MGST2: variants seen among roughly 807,000 people sequenced by gnomAD.
MGST2 encodes the protein microsomal glutathione S-transferase 2, also known as glutathione peroxidase MGST2.
A neutral mutation model predicts 16.6 loss-of-function variants in MGST2; 9 were observed. The ratio of observed to expected loss-of-function variants is 0.54; its 90% CI spans 0.33 to 0.95. The LOEUF is 0.95. Ranked by LOEUF, MGST2 falls within the 40% of genes least tolerant of loss-of-function variation. The pLI is 0.03. For missense variants in MGST2, 159 were observed against 175.1 expected (o/e 0.91, Z 0.52); for synonymous variants, 79 against 68.0 (o/e 1.16, Z -0.79).
chr4:139,689,198 C>G (rs1357474959), intron 2 of MGST2, among the ~76,000 whole-genome samples: 1 of 151,654 alleles, frequency 6.6e-6, no homozygotes, highest in Non-Finnish European at 1.5e-5. Flanking sequence ...TTACCAATAC[C>G]AAGCAGCATC....
intron 5 of MGST2, chr4:139,718,515 C>T (rs1328405934): frequency 6.6e-6 from 1 of 152,344 alleles, no homozygotes; most frequent in Non-Finnish European, 1.5e-5. Context: ...ATGTGACCCA[C>T]CTGGATGTAT....
chr4:139,678,815 C>T (rs569873625), intron 2 of MGST2, 173 bp downstream of exon 2: 28 of 660,896 alleles, frequency 4.2e-5, no homozygotes, highest in South Asian at 6.9e-5. Context: ...TTGAAGGGTT[C>T]GGGGCATGAA....
chr4:139,704,088 C>G lies in MGST2; in HGVS notation c.384C>G (p.Asn128Lys). The G allele has an allele frequency of 5.0e-6, 8 of 1,614,166 alleles. No homozygotes were observed. Among genetic ancestry groups the G allele is most frequent in the South Asian group, 1.1e-5 (1 of 91,078 alleles). The change falls in exon 5 of 5, where the codon AAC becomes AAG. Residue 128 changes from asparagine to lysine, a missense_variant. By Grantham distance (94) the Asn-to-Lys change is moderately conservative. Coordinates refer to ENST00000265498, the MANE Select transcript of MGST2 (RefSeq NM_002413.5). ...LTLLGALGIANSFLDEYLDLN... is the reference protein window; with the variant it reads ...LTLLGALGIAKSFLDEYLDLN... ...TCCTAGGTGCCCTGGGAATTGCAAACAGCTTTCTGGATGAATATCTGGACC... is the reference window on the plus strand; with the variant it reads ...TCCTAGGTGCCCTGGGAATTGCAAAGAGCTTTCTGGATGAATATCTGGACC...
chr4:139,678,858 G>C, intron 2 of MGST2: 1 of 597,756 alleles, frequency 1.7e-6, no homozygotes. Flanking sequence ...AATTCAGCAG[G>C]GTATATTTAC....
At chr4:139,683,448 A>G (rs75425788) in intron 2 of MGST2, among the ~76,000 whole-genome samples, 4,919 of 152,166 alleles carry the variant, frequency 0.032, 184 homozygotes, top group East Asian at 0.19. Flanking sequence ...CTGTCTTGAC[A>G]TGTTGTGTTT....
intron 1 of MGST2, among the ~76,000 whole-genome samples, chr4:139,678,161 C>T (rs1731057732): frequency 6.6e-6 from 1 of 152,172 alleles, no homozygotes; most frequent in Non-Finnish European, 1.5e-5. Flanking sequence ...ATTAATCTGC[C>T]TCATGTCAGT....
chr4:139,695,586 C>T (rs1726870966), intron 3 of MGST2, among the ~76,000 whole-genome samples: 1 of 152,158 alleles, frequency 6.6e-6, no homozygotes, highest in African/African-American at 2.4e-5. Flanking sequence ...CGTGCCACTA[C>T]ACTCCAGTCT....
downstream of MGST2, among the ~76,000 whole-genome samples, chr4:139,708,681 A>C (rs562341965): frequency 3.3e-5 from 5 of 152,308 alleles, no homozygotes; most frequent in South Asian, 1.0e-3. Flanking sequence ...TGGCAATGTG[A>C]GATCCTTGAT....
intron 5 of MGST2, chr4:139,731,435 T>TTAAAAAAAAAA (rs1491282159): frequency 2.6e-5 from 1 of 38,718 alleles, no homozygotes; most frequent in African/African-American, 7.8e-5. Context: ...CTGTCTCTAC[T>TTAAAAAAAAAA]AAAAAAAAAA....
At chr4:139,678,673 T>C in intron 2 of MGST2, 31 bp downstream of exon 2, 1 of 1,521,306 alleles carries the variant, frequency 6.6e-7, no homozygotes. Flanking sequence ...CCTTCATGGA[T>C]CTGTGCCTGC....
intron 5 of MGST2, among the ~76,000 whole-genome samples, chr4:139,736,038 G>A (rs1417724416): frequency 6.6e-6 from 1 of 152,170 alleles, no homozygotes; most frequent in Non-Finnish European, 1.5e-5. Flanking sequence ...TTCGTGGCAG[G>A]AAAGAGTAAA....
chr4:139,694,631 C>T (rs955729400), intron 2 of MGST2, among the ~76,000 whole-genome samples: 1 of 152,224 alleles, frequency 6.6e-6, no homozygotes, highest in African/African-American at 2.4e-5. Flanking sequence ...TATGACTTGA[C>T]ATTAGGACAG....
chr4:139,717,300 T>G (rs1274206542), intron 5 of MGST2: 1 of 152,614 alleles, frequency 6.6e-6, no homozygotes, highest in African/African-American at 2.4e-5. Flanking sequence ...CTCCAGTTTC[T>G]CATCATTGCT....
intron 3 of MGST2, among the ~76,000 whole-genome samples, chr4:139,697,609 G>A (rs980944480): frequency 6.6e-6 from 1 of 152,136 alleles, no homozygotes; most frequent in Admixed American, 6.5e-5. Context: ...ACAAGTATGT[G>A]TTTCTTTTTT....
intron 1 of MGST2, among the ~76,000 whole-genome samples, chr4:139,671,312 G>C (rs973190691): frequency 3.9e-5 from 6 of 152,122 alleles, no homozygotes; most frequent in African/African-American, 1.4e-4. Flanking sequence ...CTCAGCACAT[G>C]TGTATCTCTG....
At chr4:139,688,686 G>T (rs1451961198) in intron 2 of MGST2, among the ~76,000 whole-genome samples, 1 of 152,180 alleles carries the variant, frequency 6.6e-6, no homozygotes, top group African/African-American at 2.4e-5. Flanking sequence ...TTACAGTAAT[G>T]TGGGCAACTG....
At chr4:139,745,113 A>G (rs67620334), downstream of MGST2, among the ~76,000 whole-genome samples, 10,292 of 152,216 alleles carry the variant, frequency 0.068, 546 homozygotes, top group East Asian at 0.26. Flanking sequence ...ATGGAAGTGT[A>G]GATTTGGATT....
downstream of MGST2, among the ~76,000 whole-genome samples, chr4:139,706,034 T>C (rs1727506490): frequency 7.2e-5 from 11 of 152,212 alleles, no homozygotes. Context: ...TGTTTAGTAG[T>C]ACTTTTCTTT....
intron 5 of MGST2, chr4:139,730,186 TCAAATTGATGGCTGG>T: frequency 1.7e-6 from 1 of 581,844 alleles, no homozygotes; most frequent in Non-Finnish European, 3.1e-6. Flanking sequence ...ACACAGGCCT[TCAAATTGATGGCTGG>T]AGCCTGTCTT....
Sources: gnomAD v4.1 joint callset for allele counts (sites outside exome capture counted in the v4.1 genomes callset) on GRCh38, gnomAD v4.1.1 for gene constraint, MANE v1.5 for transcripts, NCBI Gene and HGNC (gene_info 2026-07-23, HGNC 2026-07-21) for gene names.